Variants in SHISA6 observed in about 807,000 individuals in gnomAD.
SHISA6 encodes the protein shisa family member 6.
SHISA6 carries 22 observed loss-of-function variants against 47.9 expected under a neutral mutation model. The observed-to-expected ratio is 0.46, with a 90% CI of 0.33 to 0.66. The LOEUF is 0.66. SHISA6 is among the 30% of genes least tolerant of loss of function. SHISA6 has a pLI of 0.02. For synonymous variants in SHISA6, 388 were observed against 337.8 expected, an observed-to-expected ratio of 1.15 and a Z score of -1.63; for missense variants, 680 against 764.6, an observed-to-expected ratio of 0.89 and a Z score of 1.30.
At chr17:11,452,933 C>T (rs1157415046) in intron 3 of SHISA6, among the ~76,000 whole-genome samples, 1 of 149,822 alleles carries the variant, frequency 6.7e-6, no homozygotes, top group South Asian at 2.2e-4. Context: ...CCTTCTCCCC[C>T]TCCTCTTCCT....
intron 3 of SHISA6, among the ~76,000 whole-genome samples, chr17:11,439,297 T>C (rs547033543): frequency 5.3e-5 from 8 of 152,234 alleles, no homozygotes; most frequent in Admixed American, 4.6e-4. Flanking sequence ...ATCAGTAGTG[T>C]CCACTTCAGA....
intron 3 of SHISA6, among the ~76,000 whole-genome samples, chr17:11,426,912 AC>A (rs1483175406): frequency 3.3e-5 from 5 of 152,104 alleles, no homozygotes; most frequent in South Asian, 4.2e-4. Context: ...TTTTTCCACA[AC>A]CCTTCTTTGC....
chr17:11,279,045 G>T (rs1909031019), intron 2 of SHISA6, among the ~76,000 whole-genome samples: 1 of 152,122 alleles, frequency 6.6e-6, no homozygotes, highest in Non-Finnish European at 1.5e-5. Context: ...GCAAAGTCTT[G>T]TAAGTGCTGT....
intron 3 of SHISA6, among the ~76,000 whole-genome samples, chr17:11,532,134 G>A (rs2071739553): frequency 6.6e-6 from 1 of 152,176 alleles, no homozygotes; most frequent in African/African-American, 2.4e-5. Flanking sequence ...ATTGAAGCAG[G>A]AGAAGTTTGG....
chr17:11,396,868 C>T (rs576428396), intron 3 of SHISA6, among the ~76,000 whole-genome samples: 1 of 152,240 alleles, frequency 6.6e-6, no homozygotes, highest in South Asian at 2.1e-4. Context: ...TGTAACAAAC[C>T]TGCACGTTCT....
intron 2 of SHISA6, among the ~76,000 whole-genome samples, chr17:11,342,318 G>A (rs1237529776): frequency 6.6e-6 from 1 of 152,006 alleles, no homozygotes; most frequent in Non-Finnish European, 1.5e-5. Flanking sequence ...CCATTACCTA[G>A]CAGCAGACAA....
intron 3 of SHISA6, among the ~76,000 whole-genome samples, chr17:11,415,329 C>T (rs1914251906): frequency 6.6e-6 from 1 of 152,110 alleles, no homozygotes; most frequent in Admixed American, 6.5e-5. Flanking sequence ...TCAAATTCAC[C>T]TCCATTTGAC....
Position 11,413,023 on chromosome 17 carries a change from G to A in SHISA6, c.895+33514G>A, listed in dbSNP as rs979521019. Among the ~76,000 whole-genome samples the A allele has an allele frequency of 2.0e-5, 3 of 152,260 alleles. No homozygotes were observed. In the South Asian group the frequency reaches 6.2e-4, roughly 32 times the overall value. The stretch of plus-strand genomic sequence containing the variant: ...CATCAAGGGGATTACTGGGGGAAAG[G>A]CATGACTTTGCTACTCCTCACACAC... On this transcript the variant is annotated intron_variant, in intron 3 of 5. Coordinates refer to ENST00000441885, the MANE Select transcript of SHISA6 (RefSeq NM_207386.4).
At chr17:11,542,634 T>C (rs2071843752) in intron 3 of SHISA6, among the ~76,000 whole-genome samples, 1 of 151,246 alleles carries the variant, frequency 6.6e-6, no homozygotes, top group South Asian at 2.1e-4. Flanking sequence ...TCTAAAATTC[T>C]TTTACCCCGA....
At chr17:11,483,038 A>G (rs571242813) in intron 3 of SHISA6, among the ~76,000 whole-genome samples, 2 of 152,300 alleles carry the variant, frequency 1.3e-5, no homozygotes, top group Admixed American at 6.5e-5. Flanking sequence ...ACGGTGGTTC[A>G]TGCCTGTAAT....
chr17:11,480,647 T>C (rs1245937126), intron 3 of SHISA6, among the ~76,000 whole-genome samples: 1 of 152,178 alleles, frequency 6.6e-6, no homozygotes, highest in Non-Finnish European at 1.5e-5. Context: ...CATTGATACC[T>C]ACAAGACAGA....
chr17:11,456,587 A>G lies in SHISA6; in HGVS notation c.895+77078A>G, dbSNP rs557069121. ...TTCACACATTTTGTTTTGTAGCTGC[A>G]GAGCCATGTCCTCCAGTGAAATAGT... On this transcript the variant is annotated intron_variant, in intron 3 of 5. Transcript: ENST00000441885. 1.4e-4 allele frequency among the ~76,000 whole-genome samples: 22 copies of G among 152,320 alleles called. No homozygotes were observed. In the South Asian group the frequency reaches 4.6e-3, roughly 32 times the overall value.
In SHISA6 at chr17:11,524,783, G is replaced by A. The variant is rs556843005; in HGVS notation, c.896-27113G>A. Among the ~76,000 whole-genome samples the A allele has an allele frequency of 4.6e-5, 7 of 152,316 alleles. No homozygotes were observed. In the South Asian group the frequency reaches 1.2e-3, roughly 27 times the overall value. On this transcript the variant is annotated intron_variant, in intron 3 of 5. Transcript: ENST00000441885. ...CAAAGTGCTAGGATTACAGGCGTGA[G>A]CCACTGCGCCCGGTCTATTTCTCTA... is the stretch of plus-strand genomic sequence containing the variant.
At chr17:11,379,344 A>T (rs1912929382) in intron 2 of SHISA6, 70 bp from the exon 3 acceptor site, 5 of 1,132,744 alleles carry the variant, frequency 4.4e-6, no homozygotes, top group Non-Finnish European at 5.0e-6. Flanking sequence ...GTTGGGTGAG[A>T]TGCAGCTGCG....
chr17:11,293,471 C>T (rs1909626772), intron 2 of SHISA6, among the ~76,000 whole-genome samples: 1 of 152,126 alleles, frequency 6.6e-6, no homozygotes, highest in South Asian at 2.1e-4. Context: ...TTTGGGAGAA[C>T]ATTAAAGTAA....
At chr17:11,421,694 G>T (rs186567726) in intron 3 of SHISA6, among the ~76,000 whole-genome samples, 22 of 152,304 alleles carry the variant, frequency 1.4e-4, no homozygotes, top group Non-Finnish European at 3.1e-4. Context: ...GTTGCTGCCT[G>T]ATTAGAAACA....
rs532151580 is a variant in SHISA6 at position 11,329,440 on chromosome 17, A to T, written c.800-49974A>T. On this transcript the variant is annotated intron_variant, in intron 2 of 5. Coordinates refer to ENST00000441885, the MANE Select transcript of SHISA6 (RefSeq NM_207386.4). ...TCGGAGACTGTCCGTGGATAAGCAT[A>T]GTTTCCAGATAACTGGGCATTCATC... Among the ~76,000 whole-genome samples the T allele has an allele frequency of 7.9e-5, 12 of 152,354 alleles. No homozygotes were observed. In the South Asian group the frequency reaches 1.7e-3, roughly 21 times the overall value.
At chr17:11,413,064 G>A (rs1010045967) in intron 3 of SHISA6, among the ~76,000 whole-genome samples, 1 of 152,162 alleles carries the variant, frequency 6.6e-6, no homozygotes, top group Non-Finnish European at 1.5e-5. Context: ...AACTGTAAGA[G>A]CCCATAGGCT....
chr17:11,322,132 T>C (rs1371561048), intron 2 of SHISA6, among the ~76,000 whole-genome samples: 1 of 152,200 alleles, frequency 6.6e-6, no homozygotes, highest in Admixed American at 6.5e-5. Flanking sequence ...AATGTAAGGT[T>C]TTTTCAGCAG....
Sources: gnomAD v4.1 joint callset for allele counts (sites outside exome capture counted in the v4.1 genomes callset) on GRCh38, gnomAD v4.1.1 for gene constraint, MANE v1.5 for transcripts, NCBI Gene and HGNC (gene_info 2026-07-23, HGNC 2026-07-21) for gene names.